Variants in CDH4 observed in about 807,000 individuals in gnomAD.
CDH4 encodes cadherin-4.
A neutral mutation model predicts 86.0 loss-of-function variants in CDH4; 33 were observed. The observed-to-expected ratio is 0.38, with a 90% CI of 0.29 to 0.51. CDH4 has a LOEUF of 0.51. Ranked by LOEUF, CDH4 falls within the 20% of genes least tolerant of loss-of-function variation. The pLI is 0.86. For missense variants in CDH4, 1,114 were observed against 1,307.4 expected, an observed-to-expected ratio of 0.85 and a Z score of 2.28; for synonymous variants, 555 against 549.4, an observed-to-expected ratio of 1.01 and a Z score of -0.14.
intron 2 of CDH4, among the ~76,000 whole-genome samples, chr20:61,564,294 G>T (rs1229028900): frequency 6.6e-6 from 1 of 152,182 alleles, no homozygotes; most frequent in African/African-American, 2.4e-5. Context: ...AGCACAGTGT[G>T]TGTGGCTTTG....
chr20:61,669,186 A>G (rs1217178822), intron 2 of CDH4, among the ~76,000 whole-genome samples: 1 of 152,348 alleles, frequency 6.6e-6, no homozygotes, highest in East Asian at 1.9e-4. Context: ...TCAGAGCACT[A>G]TGGGATGGAG....
rs182690010 is a variant in CDH4, at chr20:61,352,789, G to A, written c.169+97852G>A. On this transcript the variant is annotated intron_variant, in intron 2 of 15. Transcript: ENST00000614565. ...CCTGCACTGCATTTTCTTCCTGGCC[G>A]TCTGCCGCTTGCTGGTTTTCTGCTC... 1.4e-4 allele frequency among the ~76,000 whole-genome samples: 22 copies of A among 152,142 alleles called. No homozygotes were observed. In the East Asian group the frequency reaches 3.1e-3, roughly 21 times the overall value.
chr20:61,296,016 C>T (rs1364263967), intron 2 of CDH4, among the ~76,000 whole-genome samples: 1 of 151,848 alleles, frequency 6.6e-6, no homozygotes, highest in Non-Finnish European at 1.5e-5. Flanking sequence ...TTCAGGAGGA[C>T]GGAGAAGGGG....
intron 2 of CDH4, among the ~76,000 whole-genome samples, chr20:61,672,822 TGGGAACTGCAACCTGACA>T (rs1196478878): frequency 1.7e-4 from 26 of 152,004 alleles, no homozygotes; most frequent in African/African-American, 6.3e-4. Context: ...CCTGCTCAGC[TGGGAACTGCAACCTGACA>T]GGGATCAAGA....
chr20:61,622,603 G>T (rs2086787574), intron 2 of CDH4, among the ~76,000 whole-genome samples: 1 of 152,252 alleles, frequency 6.6e-6, no homozygotes, highest in African/African-American at 2.4e-5. Context: ...TGCTACGGAA[G>T]ACTCACCTAA....
At chr20:61,732,247 A>AAGT (rs370017927) in intron 2 of CDH4, among the ~76,000 whole-genome samples, 265 of 152,336 alleles carry the variant, frequency 1.7e-3, no homozygotes, top group African/African-American at 6.1e-3. Flanking sequence ...AGTCCTGGTG[A>AAGT]AGTGATGGAC....
rs1568688723 is a variant in CDH4, at chr20:61,565,258, TGG to T, written c.170-178304_170-178303del. On this transcript the variant is annotated intron_variant, in intron 2 of 15. Coordinates refer to ENST00000614565, the MANE Select transcript of CDH4 (RefSeq NM_001794.5). ...GTGGTGGTGGCGGTGCTCTTGGTGA[TGG>T]TGGTGGTGGTCCTCTTGGTGATGGG... Among the ~76,000 whole-genome samples the T allele has an allele frequency of 3.4e-4, 23 of 68,650 alleles. 3 individuals carry two copies. Among genetic ancestry groups the T allele is most frequent in the African/African-American group, 9.9e-4 (17 of 17,226 alleles). 45.0% of individuals were successfully genotyped at this position (68,650 alleles called of 152,430 possible). A position where few individuals can be genotyped will look rare whatever the true frequency, so the allele number is the denominator to read the frequency against.
At chr20:61,449,150 G>A (rs78377218) in intron 2 of CDH4, among the ~76,000 whole-genome samples, 6,215 of 152,210 alleles carry the variant, frequency 0.041, 440 homozygotes, top group African/African-American at 0.14. Flanking sequence ...CTTCATCTTT[G>A]CTGCTTCAAG....
intron 2 of CDH4, among the ~76,000 whole-genome samples, chr20:61,541,053 A>G (rs1300281489): frequency 1.3e-5 from 2 of 152,242 alleles, no homozygotes; most frequent in African/African-American, 2.4e-5. Flanking sequence ...TAACTAAAAT[A>G]GCTTATTAGC....
At chr20:61,288,245 G>A (rs375927834) in intron 2 of CDH4, among the ~76,000 whole-genome samples, 30 of 152,212 alleles carry the variant, frequency 2.0e-4, no homozygotes, top group African/African-American at 7.2e-4. Context: ...TTTTCTGAGT[G>A]ATCCACGAAA....
chr20:61,353,681 TCCCCCTCCTCCTCC>T, intron 2 of CDH4, among the ~76,000 whole-genome samples: 1 of 25,994 alleles, frequency 3.8e-5, no homozygotes, highest in Non-Finnish European at 6.9e-5. Flanking sequence ...CCCCTCCTCC[TCCCCCTCCTCCTCC>T]CCTCCTCCTC....
chr20:61,700,731 G>C (rs1007940091), intron 2 of CDH4, among the ~76,000 whole-genome samples: 17 of 152,198 alleles, frequency 1.1e-4, no homozygotes, highest in Non-Finnish European at 2.4e-4. Flanking sequence ...GTGGGGCCAT[G>C]TCTGTCTTCA....
intron 2 of CDH4, among the ~76,000 whole-genome samples, chr20:61,479,896 T>C (rs1010702443): frequency 6.6e-6 from 1 of 152,234 alleles, no homozygotes; most frequent in African/African-American, 2.4e-5. Context: ...ATAATTATGT[T>C]TTCTCCGGCT....
rs979252097 is a variant in CDH4, at chr20:61,501,479, G to A, written c.170-242084G>A. Among the ~76,000 whole-genome samples the A allele has an allele frequency of 6.6e-6, 1 of 152,146 alleles. No individual in the cohort carries two copies. ...GGTGGGAAGAATTTATTAGGTGAGC[G>A]ATGTAGCTGGAACGAGGCCTGGCTG... On this transcript the variant is annotated intron_variant, in intron 2 of 15. Coordinates refer to ENST00000614565, the MANE Select transcript of CDH4 (RefSeq NM_001794.5). This position sits in a 1 kb window ranked among gnomAD's most constrained non-coding sequence, Gnocchi z 4.2.
chr20:61,292,473 A>T (rs1361122261), intron 2 of CDH4, among the ~76,000 whole-genome samples: 1 of 152,226 alleles, frequency 6.6e-6, no homozygotes, highest in Non-Finnish European at 1.5e-5. Context: ...AAAGGGGGCA[A>T]GTCCAGCCCC....
At chr20:61,496,013 A>AT (rs2085659744) in intron 2 of CDH4, among the ~76,000 whole-genome samples, 1 of 151,946 alleles carries the variant, frequency 6.6e-6, no homozygotes, top group African/African-American at 2.4e-5. Context: ...CTCCTCGAAC[A>AT]TTTTTTTCTC....
intron 2 of CDH4, among the ~76,000 whole-genome samples, chr20:61,713,615 A>G (rs765081118): frequency 3.3e-5 from 5 of 152,218 alleles, no homozygotes; most frequent in Non-Finnish European, 7.3e-5. Flanking sequence ...CTCCCCCAGA[A>G]AAGGACAGTC....
intron 3 of CDH4, among the ~76,000 whole-genome samples, chr20:61,764,937 C>T (rs571729831): frequency 9.8e-5 from 15 of 152,322 alleles, no homozygotes; most frequent in African/African-American, 3.6e-4. Context: ...ACAGTAGGAT[C>T]AGCAGAATGC....
intron 2 of CDH4, among the ~76,000 whole-genome samples, chr20:61,646,686 C>T (rs112493467): frequency 4.6e-5 from 7 of 152,362 alleles, no homozygotes; most frequent in African/African-American, 1.2e-4. Flanking sequence ...CAGGCCTCGG[C>T]GCCCCGGCTG....
Sources: allele counts gnomAD v4.1 joint callset (sites outside exome capture counted in the v4.1 genomes callset), GRCh38; gene constraint gnomAD v4.1.1; non-coding constraint Gnocchi (gnomAD v3.1); transcripts MANE v1.5; gene names NCBI Gene and HGNC (gene_info 2026-07-23, HGNC 2026-07-21).